The following DBF4B variants were observed in gnomAD, a reference collection of about 807,000 sequenced individuals.
DBF4B encodes the protein DBF4B-CDC7 kinase regulatory subunit.
A neutral mutation model predicts 53.4 loss-of-function variants in DBF4B; 49 were observed. The ratio of observed to expected loss-of-function variants is 0.92; its 90% CI spans 0.73 to 1.16. The LOEUF is 1.16. Among genes scored for constraint, DBF4B ranks in the 50% most tolerant of loss-of-function variants. The pLI is 0.00. For synonymous variants in DBF4B, 257 were observed against 288.7 expected, an observed-to-expected ratio of 0.89 and a Z score of 1.11; for missense variants, 692 against 775.0, an observed-to-expected ratio of 0.89 and a Z score of 1.27.
intron 3 of DBF4B, among the ~76,000 whole-genome samples, chr17:44,729,683 T>TACACACACACACACACACACAC (rs71361592): frequency 7.2e-6 from 1 of 138,256 alleles, no homozygotes; most frequent in African/African-American, 2.7e-5. Flanking sequence ...GTAATACACA[T>TACACACACACACACACACACAC]ACACACACAC....
At position 44,750,859 on chromosome 17, in the gene DBF4B, C is replaced by A. The variant is rs142562446; in HGVS notation, c.1454C>A (p.Pro485Gln). 2 of 1,614,186 alleles carry A rather than the reference C, an allele frequency of 1.2e-6. No individual in the cohort carries two copies. The highest frequency in any genetic ancestry group is 1.1e-5 in the South Asian group (1 of 91,080). Residue 485 changes from proline (P) to glutamine (Q), a missense_variant, in exon 14 of 14, where the codon CCG becomes CAG. Pro to Gln is a moderately conservative substitution (Grantham distance 76, BLOSUM62 -1). Transcript: ENST00000315005. ...LHPSQENSFA[P>Q]ADIPVKGPLL... ...CCCTCCCAAGAAAACTCCTTTGCCCCGGCGGACATTCCTGTTAAGGGCCCA... is the reference window on the plus strand; with the variant it reads ...CCCTCCCAAGAAAACTCCTTTGCCCAGGCGGACATTCCTGTTAAGGGCCCA...
chr17:44,725,724 TCA>T (rs941943020), intron 3 of DBF4B, among the ~76,000 whole-genome samples: 2 of 140,822 alleles, frequency 1.4e-5, no homozygotes, highest in Non-Finnish European at 3.0e-5. Context: ...CCACACTCAG[TCA>T]CAGAGGCTAG....
At chr17:44,746,242 A>G (rs1202654171) in intron 10 of DBF4B, among the ~76,000 whole-genome samples, 5 of 151,226 alleles carry the variant, frequency 3.3e-5, no homozygotes, top group Admixed American at 6.6e-5. Flanking sequence ...AAAAAAAAAA[A>G]AAAAAAAAGA....
chr17:44,716,993 T>G (rs1213391225), intron 2 of DBF4B, among the ~76,000 whole-genome samples: 1 of 152,154 alleles, frequency 6.6e-6, no homozygotes, highest in Non-Finnish European at 1.5e-5. Context: ...TTTATCTATT[T>G]TTATTCTTTT....
rs1206011251 is a variant in DBF4B at position 44,741,453 on chromosome 17, G to A, written c.830+1G>A. The A allele has an allele frequency of 3.1e-6, 5 of 1,588,520 alleles. No individual in the cohort carries two copies. Among genetic ancestry groups the A allele is most frequent in the African/African-American group, 2.7e-5 (2 of 73,774 alleles). Reference sequence around the variant, plus strand: ...CCCTGGGCAGCATGCACCATACCAGGTGGGTCTTTCTGGTTCCTGAGTACC... The same window carrying A: ...CCCTGGGCAGCATGCACCATACCAGATGGGTCTTTCTGGTTCCTGAGTACC... On this transcript the variant is annotated splice_donor_variant, in intron 10 of 13. Transcript: ENST00000315005. LOFTEE classifies it high-confidence loss of function.
chr17:44,747,831 C>T (rs1246512715), intron 12 of DBF4B, among the ~76,000 whole-genome samples: 1 of 152,190 alleles, frequency 6.6e-6, no homozygotes, highest in Non-Finnish European at 1.5e-5. Context: ...TGGGCCTCTC[C>T]TAGATAGGTG....
chr17:44,717,891 C>T (rs115908618), intron 2 of DBF4B, among the ~76,000 whole-genome samples: 2,748 of 151,452 alleles, frequency 0.018, 77 homozygotes, highest in African/African-American at 0.061. Flanking sequence ...TGGTGCGTGA[C>T]ATGGTGGTGC....
intron 2 of DBF4B, among the ~76,000 whole-genome samples, chr17:44,713,779 A>G (rs910037733): frequency 1.3e-5 from 2 of 152,148 alleles, no homozygotes; most frequent in African/African-American, 4.8e-5. Context: ...CCTTCTCTCA[A>G]TACTTTCAAG....
At chr17:44,718,297 C>T (rs1200715725) in intron 2 of DBF4B, among the ~76,000 whole-genome samples, 6 of 151,742 alleles carry the variant, frequency 4.0e-5, no homozygotes, top group Non-Finnish European at 8.8e-5. Context: ...GTGGTGTGCG[C>T]CTGTAGTCCC....
Position 44,734,140 on chromosome 17 carries a change from A to C in DBF4B, c.607A>C (p.Lys203Gln). The change falls in exon 7 of 14, where the codon AAA becomes CAA. Residue 203 changes from lysine (K) to glutamine (Q), a missense_variant. Physicochemically the swap from Lys to Gln is moderately conservative, Grantham distance 53. Coordinates refer to ENST00000315005, the MANE Select transcript of DBF4B (RefSeq NM_145663.3). ...QLSLASLCVK[K>Q]QQPKKPEGTC... ...GTCTCTTGCGTCTTTATGTGTGAAAAAACAACAGCCAAAGAAGCCAGAGGT... is the reference window on the plus strand; with the variant it reads ...GTCTCTTGCGTCTTTATGTGTGAAACAACAACAGCCAAAGAAGCCAGAGGT... 1.2e-6 allele frequency: 2 copies of C among 1,614,196 alleles called. No homozygotes were observed. Among genetic ancestry groups the C allele is most frequent in the South Asian group, 2.2e-5 (2 of 91,070 alleles).
chr17:44,709,311 T>G lies in DBF4B; in HGVS notation c.27T>G (p.Asp9Glu). The G allele has an allele frequency of 1.2e-6, 2 of 1,614,042 alleles. No homozygotes were observed. Among genetic ancestry groups the G allele is most frequent in the Non-Finnish European group, 1.7e-6 (2 of 1,179,994 alleles). Residue 9 changes from aspartate to glutamate, a missense_variant, in exon 2 of 14, where the codon GAT becomes GAG. This residue lies in a region of DBF4B where 66 missense variants were observed against 51.3 expected (regional missense o/e 1.29). Transcript: ENST00000315005. ...TGTTATGTCCTTTCTCAGGAGACGA[T>G]TGCCTCGAGCTGGAGAGTTCCATGG... is the stretch of plus-strand genomic sequence containing the variant. MSEPGKGD[D>E]CLELESSMAE...
intron 6 of DBF4B, 142 bp from the exon 7 acceptor site, chr17:44,733,948 T>G: frequency 3.0e-6 from 2 of 669,668 alleles, no homozygotes; most frequent in East Asian, 5.1e-5. Context: ...GCAGAGGGGA[T>G]GTGTAGCCAG....
intron 10 of DBF4B, among the ~76,000 whole-genome samples, chr17:44,743,169 C>T (rs1262664902): frequency 1.3e-5 from 2 of 152,090 alleles, no homozygotes; most frequent in African/African-American, 4.8e-5. Context: ...CCTGGGATGG[C>T]CTTGGGATCA....
intron 6 of DBF4B, among the ~76,000 whole-genome samples, chr17:44,733,242 A>C (rs1483362240): frequency 6.6e-6 from 1 of 152,084 alleles, no homozygotes; most frequent in Non-Finnish European, 1.5e-5. Context: ...AATCCTCACT[A>C]CAGTCCTGTC....
chr17:44,711,541 G>T (rs569699828), intron 2 of DBF4B, among the ~76,000 whole-genome samples: 2 of 152,238 alleles, frequency 1.3e-5, no homozygotes, highest in African/African-American at 4.8e-5. Context: ...GCCATGTGTG[G>T]TGGCTCACAC....
intron 10 of DBF4B, among the ~76,000 whole-genome samples, chr17:44,743,520 C>G: frequency 6.6e-6 from 1 of 151,740 alleles, no homozygotes; most frequent in South Asian, 2.1e-4. Flanking sequence ...CGAGTGGTGC[C>G]TCACCCCTGC....
chr17:44,746,995 C>G, intron 10 of DBF4B, 88 bp from the exon 11 acceptor site: 1 of 1,282,784 alleles, frequency 7.8e-7, no homozygotes, highest in South Asian at 1.2e-5. Context: ...CTTCCCCTCC[C>G]TGACCTAGGC....
rs1382293856 is a variant in DBF4B, at chr17:44,751,095, G to A, written c.1690G>A (p.Ala564Thr). Residue 564 changes from alanine to threonine, a missense_variant, in exon 14 of 14, where the codon GCA (alanine) becomes ACA (threonine). Transcript: ENST00000315005. Reference protein sequence around the residue: ...CRVRVPSLSTAGPIPRTSHPC... With the variant: ...CRVRVPSLSTTGPIPRTSHPC... The stretch of plus-strand genomic sequence containing the variant: ...GGTTCGGGTGCCCTCATTGTCAACT[G>A]CAGGACCCATTCCCCGAACCTCACA... The A allele has an allele frequency of 6.2e-7, 1 of 1,614,114 alleles. No individual in the cohort carries two copies. Among genetic ancestry groups the A allele is most frequent in the South Asian group, 1.1e-5 (1 of 91,082 alleles).
chr17:44,713,869 A>G (rs370946495), intron 2 of DBF4B, among the ~76,000 whole-genome samples: 2 of 152,032 alleles, frequency 1.3e-5, no homozygotes, highest in South Asian at 2.1e-4. Context: ...TACTAGGCCT[A>G]TTGCACTGAT....
Sources: gnomAD v4.1 joint callset for allele counts (sites outside exome capture counted in the v4.1 genomes callset) on GRCh38, gnomAD v4.1.1 for gene constraint, gnomAD v4.1.1 regional missense constraint, MANE v1.5 for transcripts, NCBI Gene and HGNC (gene_info 2026-07-23, HGNC 2026-07-21) for gene names.